Variants in FMN2 observed in about 807,000 individuals in gnomAD.
The protein encoded by FMN2 is formin-2.
A neutral mutation model predicts 142.3 loss-of-function variants in FMN2; 51 were observed. That is an observed-to-expected ratio of 0.36 (90% CI 0.29 to 0.45). The LOEUF (loss-of-function observed/expected upper bound fraction) is 0.45, where lower values mean the gene tolerates loss of function less well. FMN2 is among the 20% of genes least tolerant of loss of function. FMN2 has a pLI of 1.00. For synonymous variants in FMN2, 882 were observed against 869.8 expected (o/e 1.01, Z -0.25); for missense variants, 1,936 against 2,122.8 (o/e 0.91, Z 1.73).
chr1:240,464,881 G>A (rs541666603), intron 16 of FMN2, among the ~76,000 whole-genome samples: 2 of 152,270 alleles, frequency 1.3e-5, no homozygotes, highest in East Asian at 3.9e-4. Flanking sequence ...GTGCTCATTC[G>A]AGTTGTGATT....
chr1:240,095,980 A>T (rs548478856), intron 1 of FMN2, among the ~76,000 whole-genome samples: 1 of 152,288 alleles, frequency 6.6e-6, no homozygotes, highest in South Asian at 2.1e-4. Flanking sequence ...ATCAGCAAAT[A>T]TATTTTTGTG....
intron 15 of FMN2, among the ~76,000 whole-genome samples, chr1:240,421,747 C>T (rs1674770533): frequency 6.6e-6 from 1 of 152,082 alleles, no homozygotes; most frequent in Non-Finnish European, 1.5e-5. Flanking sequence ...GCAGGTACAA[C>T]CAAGACATTT....
At chr1:240,420,233 C>T (rs1165322714) in intron 15 of FMN2, among the ~76,000 whole-genome samples, 1 of 152,114 alleles carries the variant, frequency 6.6e-6, no homozygotes, top group African/African-American at 2.4e-5. Context: ...CATGGATAAT[C>T]CTTTGCTCAG....
chr1:240,419,906 A>G (rs1332516570), intron 15 of FMN2, among the ~76,000 whole-genome samples: 1 of 152,092 alleles, frequency 6.6e-6, no homozygotes, highest in African/African-American at 2.4e-5. Context: ...ATAGAGGTTG[A>G]GCAGCACACT....
chr1:240,148,696 A>T (rs1348234063), intron 2 of FMN2, among the ~76,000 whole-genome samples: 1 of 152,204 alleles, frequency 6.6e-6, no homozygotes, highest in African/African-American at 2.4e-5. Flanking sequence ...AACTCTGTAT[A>T]TTGGCCAGGT....
intron 16 of FMN2, among the ~76,000 whole-genome samples, chr1:240,443,861 T>TA (rs1675712373): frequency 6.6e-6 from 1 of 152,112 alleles, no homozygotes; most frequent in Non-Finnish European, 1.5e-5. Context: ...AGCACAGTTG[T>TA]AGTGGGTAAG....
At chr1:240,251,490 CATT>C (rs777040910) in intron 6 of FMN2, among the ~76,000 whole-genome samples, 2 of 152,110 alleles carry the variant, frequency 1.3e-5, no homozygotes, top group Non-Finnish European at 2.9e-5. Flanking sequence ...TGTCCTAACA[CATT>C]ATCTACTCTG....
intron 13 of FMN2, among the ~76,000 whole-genome samples, chr1:240,336,056 T>C (rs1404836132): frequency 6.6e-6 from 1 of 152,088 alleles, no homozygotes; most frequent in Non-Finnish European, 1.5e-5. Context: ...GGCAGGAGAA[T>C]CACTTGAACC....
At position 240,280,652 on chromosome 1, in the gene FMN2, C is replaced by T. The variant is rs115314845; in HGVS notation, c.4154-14170C>T. Reference sequence around the variant, plus strand: ...AAGGACATTTTGCAGTGCTGGTTTACGGAAAACATTCAACAGACAGTGGAT... The same window carrying T: ...AAGGACATTTTGCAGTGCTGGTTTATGGAAAACATTCAACAGACAGTGGAT... On this transcript the variant is annotated intron_variant, in intron 7 of 17. Transcript: ENST00000319653. 7.2e-3 allele frequency among the ~76,000 whole-genome samples: 1,091 copies of T among 152,176 alleles called. 6 individuals carry two copies. Among genetic ancestry groups the T allele is most frequent in the Non-Finnish European group, 9.3e-3 (632 of 67,990 alleles).
intron 14 of FMN2, among the ~76,000 whole-genome samples, chr1:240,388,808 G>A (rs1673503554): frequency 1.4e-5 from 2 of 146,988 alleles, no homozygotes; most frequent in South Asian, 4.5e-4. Context: ...GTTGCAGTGA[G>A]CCGAGATCTC....
chr1:240,274,739 C>T (rs866136967), intron 7 of FMN2, among the ~76,000 whole-genome samples: 1 of 151,882 alleles, frequency 6.6e-6, no homozygotes, highest in Non-Finnish European at 1.5e-5. Flanking sequence ...GCAGTGGAGA[C>T]GTGTGAGATA....
intron 2 of FMN2, among the ~76,000 whole-genome samples, chr1:240,137,564 C>T (rs751296004): frequency 2.6e-5 from 4 of 152,162 alleles, no homozygotes; most frequent in Non-Finnish European, 4.4e-5. Context: ...CTGTCTCTTA[C>T]CATGTGTGCT....
intron 14 of FMN2, among the ~76,000 whole-genome samples, chr1:240,365,832 C>A (rs1672650285): frequency 1.3e-5 from 2 of 152,250 alleles, no homozygotes; most frequent in South Asian, 4.1e-4. Flanking sequence ...GTTACTCATG[C>A]CTTAATGAAC....
intron 8 of FMN2, among the ~76,000 whole-genome samples, chr1:240,325,453 T>C (rs761615501): frequency 2.0e-5 from 3 of 152,128 alleles, no homozygotes; most frequent in Non-Finnish European, 4.4e-5. Flanking sequence ...GTATACTTTC[T>C]CATATAAATG....
At chr1:240,261,932 T>G (rs1157030568) in intron 7 of FMN2, among the ~76,000 whole-genome samples, 1 of 152,088 alleles carries the variant, frequency 6.6e-6, no homozygotes, top group Non-Finnish European at 1.5e-5. Flanking sequence ...CCAGAGAAGA[T>G]TTACCCTTTT....
chr1:240,317,991 G>A (rs761965852), intron 8 of FMN2, among the ~76,000 whole-genome samples: 16 of 152,210 alleles, frequency 1.1e-4, no homozygotes, highest in Non-Finnish European at 2.2e-4. Flanking sequence ...AATGGTCAAT[G>A]AGGCTGAACA....
intron 2 of FMN2, among the ~76,000 whole-genome samples, chr1:240,142,450 T>C (rs966282350): frequency 6.7e-6 from 1 of 148,784 alleles, no homozygotes; most frequent in Non-Finnish European, 1.5e-5. Flanking sequence ...CCCAGGGTCA[T>C]AGGACAAGTG....
chr1:240,222,056 A>C (rs1200429093), intron 6 of FMN2, among the ~76,000 whole-genome samples: 1 of 139,926 alleles, frequency 7.1e-6, no homozygotes, highest in African/African-American at 2.7e-5. Flanking sequence ...ATGGGGTTTC[A>C]CTATGATGGC....
At chr1:240,252,838 T>C (rs1191218192) in intron 6 of FMN2, among the ~76,000 whole-genome samples, 1 of 151,998 alleles carries the variant, frequency 6.6e-6, no homozygotes, top group Non-Finnish European at 1.5e-5. Context: ...TTTTTAGCTA[T>C]TGTTCCACTA....
Sources: gnomAD v4.1 joint callset for allele counts (sites outside exome capture counted in the v4.1 genomes callset) on GRCh38, gnomAD v4.1.1 for gene constraint, MANE v1.5 for transcripts, NCBI Gene and HGNC (gene_info 2026-07-23, HGNC 2026-07-21) for gene names.